STRBP: variants seen among roughly 807,000 people sequenced by gnomAD.
STRBP encodes spermatid perinuclear RNA binding protein.
Under a neutral mutation model 80.1 loss-of-function variants are expected in STRBP, and 13 were observed. The observed-to-expected ratio is 0.16, with a 90% CI of 0.11 to 0.26. The LOEUF is 0.26. Ranked by LOEUF, STRBP falls within the 10% of genes least tolerant of loss-of-function variation. STRBP has a pLI of 1.00. For synonymous variants in STRBP, 284 were observed against 291.2 expected (o/e 0.98, Z 0.25); for missense variants, 485 against 815.2 (o/e 0.59, Z 4.93).
Position 123,123,235 on chromosome 9 carries a change from A to T in STRBP, c.*2362T>A. 1 of 985,440 alleles carries T rather than the reference A, an allele frequency of 1.0e-6. No homozygotes were observed. The highest frequency in any genetic ancestry group is 4.7e-5 in the South Asian group (1 of 21,290). 61.0% of individuals were successfully genotyped at this position (985,440 alleles called of 1,614,324 possible). On this transcript the variant is annotated 3_prime_UTR_variant, in exon 19 of 19. Transcript: ENST00000348403. ...CCACCTACAGTGGAGAAAAGAGCAG[A>T]GAAGCAAAACTTCATGTTAATCTCA...
At chr9:123,109,514 G>A (rs555443458), downstream of STRBP, 28 of 152,388 alleles carry the variant, frequency 1.8e-4, no homozygotes, top group African/African-American at 6.7e-4. Context: ...AGAAGCATTT[G>A]TTTGTTTTTA....
chr9:123,209,929 A>G (rs542528936), intron 2 of STRBP, among the ~76,000 whole-genome samples: 2 of 152,352 alleles, frequency 1.3e-5, no homozygotes, highest in East Asian at 3.9e-4. Context: ...CAAGAAACAT[A>G]TAGGCTGCTG....
intron 1 of STRBP, among the ~76,000 whole-genome samples, chr9:123,244,264 G>T (rs2040755524): frequency 6.6e-6 from 1 of 152,138 alleles, no homozygotes. Flanking sequence ...GCAAAACTAT[G>T]TTAACAGTAA....
Position 123,115,684 on chromosome 9 carries a change from G to A in STRBP, c.*84+245C>T, listed in dbSNP as rs2035633777. ...AGACATGGTCTTGGCAGCATCACCA[G>A]TCAACATCAGAGTTCGTCCAAACTG... On this transcript the variant is annotated intron_variant and NMD_transcript_variant, in intron 3 of 3. Transcript: ENST00000471564. This position sits in a 1 kb window ranked among gnomAD's most constrained non-coding sequence, Gnocchi z 5.0. 6.0e-6 allele frequency: 2 copies of A among 335,494 alleles called. No homozygotes were observed. Among genetic ancestry groups the A allele is most frequent in the South Asian group, 4.9e-5 (2 of 41,002 alleles). The allele number at this position is 335,494 out of a possible 1,614,324, so 20.8% of individuals were successfully genotyped here. A position where few individuals can be genotyped will look rare whatever the true frequency, so the allele number is the denominator to read the frequency against.
intron 6 of STRBP, among the ~76,000 whole-genome samples, chr9:123,169,250 C>A (rs1406989117): frequency 1.5e-4 from 23 of 151,040 alleles, no homozygotes; most frequent in Admixed American, 1.5e-3. Context: ...CTCACTGCAA[C>A]CTCCGCTTCC....
intron 13 of STRBP, among the ~76,000 whole-genome samples, chr9:123,143,249 T>C (rs1369484117): frequency 6.6e-6 from 1 of 152,218 alleles, no homozygotes; most frequent in Admixed American, 6.5e-5. Flanking sequence ...ATTCTTTTCA[T>C]GTAATATGGA....
At chr9:123,218,637 G>A (rs888518751) in intron 2 of STRBP, among the ~76,000 whole-genome samples, 2 of 151,860 alleles carry the variant, frequency 1.3e-5, no homozygotes, top group African/African-American at 4.8e-5. Flanking sequence ...CCAAAGTGCT[G>A]GGATTACAGG....
At position 123,123,807 on chromosome 9, in the gene STRBP, G is replaced by T; in HGVS notation, c.*1790C>A. On this transcript the variant is annotated 3_prime_UTR_variant, in exon 19 of 19. Coordinates refer to ENST00000348403, the MANE Select transcript of STRBP (RefSeq NM_018387.5). ...GTAAAGATTTAATTAATAAAAACTGGACACTATCAGCCATGCTTTTTCTTC... is the reference window on the plus strand; with the variant it reads ...GTAAAGATTTAATTAATAAAAACTGTACACTATCAGCCATGCTTTTTCTTC... 1.0e-6 allele frequency: 1 copy of T among 985,290 alleles called. No homozygotes were observed. The highest frequency in any genetic ancestry group is 1.2e-6 in the Non-Finnish European group (1 of 829,908). The allele number at this position is 985,290 out of a possible 1,614,324, so 61.0% of individuals were successfully genotyped here. A position where few individuals can be genotyped will look rare whatever the true frequency, so the allele number is the denominator to read the frequency against.
At chr9:123,173,146 C>T (rs2038078671) in intron 5 of STRBP, among the ~76,000 whole-genome samples, 1 of 152,064 alleles carries the variant, frequency 6.6e-6, no homozygotes, top group Non-Finnish European at 1.5e-5. Flanking sequence ...AGGGAACATG[C>T]CAGCATCATA....
chr9:123,198,922 CTCTAT>C (rs760574547), intron 2 of STRBP, among the ~76,000 whole-genome samples: 2 of 152,152 alleles, frequency 1.3e-5, no homozygotes, highest in Non-Finnish European at 2.9e-5. Context: ...TTTCTGGGCT[CTCTAT>C]TCTGTTTCAT....
chr9:123,164,766 C>T (rs1259267532), intron 6 of STRBP, among the ~76,000 whole-genome samples: 1 of 152,194 alleles, frequency 6.6e-6, no homozygotes. Flanking sequence ...CTAAGAATAT[C>T]CTGGCAGCCC....
intron 1 of STRBP, among the ~76,000 whole-genome samples, chr9:123,258,045 G>A (rs929690410): frequency 3.4e-4 from 52 of 151,984 alleles, no homozygotes; most frequent in African/African-American, 1.1e-3. Flanking sequence ...ACTTCAAGGC[G>A]CATAATATTC....
chr9:123,176,245 T>C (rs1012551523), intron 4 of STRBP, among the ~76,000 whole-genome samples: 43 of 152,308 alleles, frequency 2.8e-4, no homozygotes, highest in Admixed American at 1.9e-3. Flanking sequence ...ACCCTACCCC[T>C]ATCCATCCTC....
At chr9:123,189,982 T>G (rs1686546684) in intron 2 of STRBP, among the ~76,000 whole-genome samples, 1 of 152,096 alleles carries the variant, frequency 6.6e-6, no homozygotes, top group Admixed American at 6.6e-5. Context: ...ATGAATCAAC[T>G]CAGAACACAC....
chr9:123,159,253 AAGGATTCCAGTTAAATGTGAGCT>A, intron 8 of STRBP, 46 bp from the exon 9 acceptor site: 1 of 1,367,980 alleles, frequency 7.3e-7, no homozygotes, highest in Non-Finnish European at 1.0e-6. Flanking sequence ...CAAGTGTTAA[AAGGATTCCAGTTAAATGTGAGCT>A]AACATTTCTA....
intron 6 of STRBP, among the ~76,000 whole-genome samples, chr9:123,166,808 C>T (rs887490192): frequency 2.6e-5 from 4 of 151,926 alleles, no homozygotes; most frequent in Non-Finnish European, 4.4e-5. Flanking sequence ...ACAAGCCAAA[C>T]GAAAGACTGC....
At chr9:123,184,774 GT>G (rs2038628467) in intron 2 of STRBP, among the ~76,000 whole-genome samples, 1 of 152,124 alleles carries the variant, frequency 6.6e-6, no homozygotes. Context: ...TTGGCACAAT[GT>G]TTGTTCTTTA....
At chr9:123,118,686 C>A (rs1320469125), downstream of STRBP, among the ~76,000 whole-genome samples, 1 of 152,198 alleles carries the variant, frequency 6.6e-6, no homozygotes, top group Non-Finnish European at 1.5e-5. Context: ...TGACTACAAG[C>A]CAAATCTTAT....
rs370583275 is a variant in STRBP, at chr9:123,115,700, G to A, written c.*84+229C>T. On this transcript the variant is annotated intron_variant and NMD_transcript_variant, in intron 3 of 3. Transcript: ENST00000471564. This position sits in a 1 kb window ranked among gnomAD's most constrained non-coding sequence, Gnocchi z 5.0. Reference sequence around the variant, plus strand: ...GCATCACCAGTCAACATCAGAGTTCGTCCAAACTGACATTCCACAGCATTT... The same window carrying A: ...GCATCACCAGTCAACATCAGAGTTCATCCAAACTGACATTCCACAGCATTT... The A allele has an allele frequency of 2.4e-5, 8 of 334,006 alleles. No individual in the cohort carries two copies. Among genetic ancestry groups the A allele is most frequent in the Non-Finnish European group, 4.1e-5 (7 of 169,958 alleles). The allele number at this position is 334,006 out of a possible 1,614,324, so 20.7% of individuals were successfully genotyped here. A position where few individuals can be genotyped will look rare whatever the true frequency, so the allele number is the denominator to read the frequency against.
Sources: gnomAD v4.1 joint callset for allele counts (sites outside exome capture counted in the v4.1 genomes callset) on GRCh38, gnomAD v4.1.1 for gene constraint, Gnocchi (gnomAD v3.1) non-coding constraint, MANE v1.5 for transcripts, NCBI Gene and HGNC (gene_info 2026-07-23, HGNC 2026-07-21) for gene names.